Variants in RIMBP2 observed in about 807,000 individuals in gnomAD.
The protein encoded by RIMBP2 is RIMS-binding protein 2.
Under a neutral mutation model 118.6 loss-of-function variants are expected in RIMBP2, and 48 were observed. That is an observed-to-expected ratio of 0.40 (90% CI 0.32 to 0.51). RIMBP2 has a LOEUF of 0.51. Ranked by LOEUF, RIMBP2 falls within the 20% of genes least tolerant of loss-of-function variation. The pLI, the probability that RIMBP2 is intolerant of heterozygous loss-of-function variation, is 0.41. For missense variants in RIMBP2, 1,551 were observed against 1,768.3 expected, an observed-to-expected ratio of 0.88 and a Z score of 2.20; for synonymous variants, 762 against 742.9, an observed-to-expected ratio of 1.03 and a Z score of -0.42.
chr12:130,423,656 C>A (rs1441816354), intron 16 of RIMBP2, among the ~76,000 whole-genome samples: 53 of 50,112 alleles, frequency 1.1e-3, no homozygotes, highest in Admixed American at 5.2e-3. Context: ...AAACAATATG[C>A]AAAAAAAAAA....
intron 4 of RIMBP2, among the ~76,000 whole-genome samples, chr12:130,502,160 G>T (rs1288182655): frequency 6.6e-6 from 1 of 152,154 alleles, no homozygotes; most frequent in Non-Finnish European, 1.5e-5. Context: ...AGACCCTCCA[G>T]TGGCCACCCA....
chr12:130,699,330 A>C (rs1350205761), intron 1 of RIMBP2, among the ~76,000 whole-genome samples: 1 of 152,168 alleles, frequency 6.6e-6, no homozygotes, highest in African/African-American at 2.4e-5. Flanking sequence ...AACCAACCCA[A>C]ATGTCCAACA....
chr12:130,399,511 A>G (rs976550745), intron 22 of RIMBP2, among the ~76,000 whole-genome samples, 168 bp downstream of exon 22: 1 of 152,192 alleles, frequency 6.6e-6, no homozygotes, highest in African/African-American at 2.4e-5. Flanking sequence ...AAGATTTAGA[A>G]TTAAGAATTT....
At chr12:130,577,670 A>G (rs1024157114) in intron 2 of RIMBP2, among the ~76,000 whole-genome samples, 1 of 152,210 alleles carries the variant, frequency 6.6e-6, no homozygotes, top group Non-Finnish European at 1.5e-5. Context: ...AGGCAGGGAC[A>G]CAAAGCTAAA....
Position 130,602,391 on chromosome 12 carries a change from A to G in RIMBP2, c.-217+25931T>C, listed in dbSNP as rs569601935. Among the ~76,000 whole-genome samples the G allele has an allele frequency of 2.0e-3, 305 of 152,364 alleles. 1 individual carries two copies. Among genetic ancestry groups the G allele is most frequent in the African/African-American group, 6.9e-3 (286 of 41,584 alleles). The stretch of plus-strand genomic sequence containing the variant: ...TCATAGGTGGGGCTGGCTGTGCTCC[A>G]GACACACCCTTTGAAGTTAGGAGGA... On this transcript the variant is annotated intron_variant, in intron 2 of 22. Transcript: ENST00000690449.
chr12:130,414,284 A>G lies in RIMBP2; in HGVS notation c.3261T>C (p.Leu1087=), dbSNP rs114594741. 2.0e-3 allele frequency: 3,270 copies of G among 1,602,540 alleles called. 61 individuals carry two copies. The African/African-American group carries it at 0.04, about 19-fold the overall frequency. Reference sequence around the variant, plus strand: ...CTGACTCTTCATAGAAGTCTGGAGAAAGGCGGTCTCGCCCGTAATCGTCTG... The same window carrying G: ...CTGACTCTTCATAGAAGTCTGGAGAGAGGCGGTCTCGCCCGTAATCGTCTG... ...PSIDDYGRDR[L]SPDFYEESET... is the part of the protein sequence containing the mutation. The change falls in exon 18 of 23, where the codon CTT becomes CTC. Residue 1087 remains leucine, a synonymous_variant. Transcript: ENST00000690449.
intron 2 of RIMBP2, among the ~76,000 whole-genome samples, chr12:130,582,947 G>A (rs930084828): frequency 6.6e-6 from 1 of 152,192 alleles, no homozygotes; most frequent in Non-Finnish European, 1.5e-5. Context: ...GTAAAAGCAT[G>A]ATGTCAACAG....
chr12:130,522,524 G>A (rs1402513563), intron 2 of RIMBP2, among the ~76,000 whole-genome samples: 1 of 152,208 alleles, frequency 6.6e-6, no homozygotes, highest in Non-Finnish European at 1.5e-5. Context: ...GTTTGGATAT[G>A]GTGGCTACTA....
intron 1 of RIMBP2, chr12:130,658,107 A>G (rs2063503373): frequency 6.6e-6 from 1 of 152,296 alleles, no homozygotes; most frequent in African/African-American, 2.4e-5. Context: ...AGACGACGGC[A>G]GTAACCAACA....
rs891297937 is a variant in RIMBP2, at chr12:130,434,125, C to T, written c.2253+609G>A. On this transcript the variant is annotated intron_variant, in intron 14 of 22. Coordinates refer to ENST00000690449, the MANE Select transcript of RIMBP2 (RefSeq NM_001393629.1). The surrounding 1 kb of genome is among the most constrained non-coding windows in gnomAD (Gnocchi z 5.7). ...TGTGATCTGATAACTGCAGCGTCTT[C>T]GAGCTCCCACTATTTAGCATTCCCC... Among the ~76,000 whole-genome samples, 4 of 152,170 alleles carry T rather than the reference C, an allele frequency of 2.6e-5. No individual in the cohort carries two copies. The East Asian group carries it at 7.7e-4, about 29-fold the overall frequency.
At chr12:130,592,974 T>G (rs1158505417) in intron 2 of RIMBP2, among the ~76,000 whole-genome samples, 1 of 152,162 alleles carries the variant, frequency 6.6e-6, no homozygotes, top group African/African-American at 2.4e-5. Context: ...CCCACAAACC[T>G]GGTCATCTCA....
intron 2 of RIMBP2, among the ~76,000 whole-genome samples, chr12:130,595,819 C>G (rs559955685): frequency 1.6e-4 from 24 of 152,200 alleles, no homozygotes; most frequent in Non-Finnish European, 3.1e-4. Context: ...ATGCCTTCAG[C>G]CAGCGTTCGG....
At chr12:130,550,141 A>T (rs2398518) in intron 2 of RIMBP2, among the ~76,000 whole-genome samples, 1 of 152,098 alleles carries the variant, frequency 6.6e-6, no homozygotes, top group East Asian at 1.9e-4. Flanking sequence ...ACTACATTGG[A>T]ACTATGGGAG....
chr12:130,409,685 G>A (rs1047864284), intron 19 of RIMBP2, among the ~76,000 whole-genome samples: 33 of 152,118 alleles, frequency 2.2e-4, no homozygotes, highest in African/African-American at 7.9e-4. Context: ...TCTGGATGAC[G>A]CCTCTGAGAT....
chr12:130,485,828 G>T (rs909119528), intron 4 of RIMBP2, among the ~76,000 whole-genome samples: 3 of 152,136 alleles, frequency 2.0e-5, no homozygotes, highest in Non-Finnish European at 4.4e-5. Context: ...TGAGATGAGG[G>T]TTTATAGATC....
chr12:130,698,113 G>A (rs1025703824), intron 1 of RIMBP2, among the ~76,000 whole-genome samples: 1 of 152,160 alleles, frequency 6.6e-6, no homozygotes, highest in East Asian at 1.9e-4. Flanking sequence ...GAAGGAGACA[G>A]AGAAGGACAG....
chr12:130,453,090 A>T (rs2079131894), intron 7 of RIMBP2, among the ~76,000 whole-genome samples: 1 of 152,202 alleles, frequency 6.6e-6, no homozygotes, highest in South Asian at 2.1e-4. Context: ...AGGTCAAAAA[A>T]ATGTTGACTC....
At chr12:130,544,211 C>A (rs964553327) in intron 2 of RIMBP2, among the ~76,000 whole-genome samples, 1 of 152,188 alleles carries the variant, frequency 6.6e-6, no homozygotes, top group East Asian at 1.9e-4. Flanking sequence ...ACACACCCCA[C>A]CCTCTCAATG....
intron 20 of RIMBP2, among the ~76,000 whole-genome samples, chr12:130,406,791 T>G (rs1177813700): frequency 6.6e-6 from 1 of 152,100 alleles, no homozygotes; most frequent in African/African-American, 2.4e-5. Context: ...GGACTACAGG[T>G]GTGTGCCACC....
Sources: gnomAD v4.1 joint callset for allele counts (sites outside exome capture counted in the v4.1 genomes callset) on GRCh38, gnomAD v4.1.1 for gene constraint, Gnocchi (gnomAD v3.1) non-coding constraint, MANE v1.5 for transcripts, NCBI Gene and HGNC (gene_info 2026-07-23, HGNC 2026-07-21) for gene names.